Variants in PTGES3 observed in about 807,000 individuals in gnomAD.
PTGES3 encodes Hsp90 co-chaperone.
Under a neutral mutation model 29.9 loss-of-function variants are expected in PTGES3, and 5 were observed. The ratio of observed to expected loss-of-function variants is 0.17; its 90% CI spans 0.09 to 0.35. The LOEUF is 0.35. PTGES3 is among the 10% of genes least tolerant of loss of function. PTGES3 has a pLI of 1.00. For missense variants in PTGES3, 128 were observed against 190.0 expected (o/e 0.67, Z 1.92); for synonymous variants, 49 against 57.8 (o/e 0.85, Z 0.69).
At chr12:56,679,408 C>CAAAAAAAA (rs770485836) in intron 1 of PTGES3, among the ~76,000 whole-genome samples, 3 of 65,102 alleles carry the variant, frequency 4.6e-5, no homozygotes, top group Non-Finnish European at 5.6e-5. Context: ...GACTCTGCCT[C>CAAAAAAAA]AAAAAAAAAA....
chr12:56,682,033 G>T (rs1213122314), intron 1 of PTGES3, among the ~76,000 whole-genome samples: 2 of 152,006 alleles, frequency 1.3e-5, no homozygotes, highest in African/African-American at 4.8e-5. Flanking sequence ...TTTTAGTAGA[G>T]ACAGGGTTTC....
chr12:56,671,403 G>C (rs78860243), intron 4 of PTGES3, among the ~76,000 whole-genome samples: 12 of 151,272 alleles, frequency 7.9e-5, no homozygotes, highest in Admixed American at 2.0e-4. Flanking sequence ...TGTTTTGGGG[G>C]AAAAAAAACA....
At position 56,680,782 on chromosome 12, in the gene PTGES3, T is replaced by G. The variant is rs1350915209; in HGVS notation, c.2+7216A>C. ...ACTTGTAGTTTTTGTTTTTTAAAAG[T>G]TTTTTTTTTTTTTTGAGACCAGTTC... is the stretch of plus-strand genomic sequence containing the variant. On this transcript the variant is annotated intron_variant, in intron 1 of 7. Coordinates refer to ENST00000262033, the MANE Select transcript of PTGES3 (RefSeq NM_006601.7). 4.0e-4 allele frequency among the ~76,000 whole-genome samples: 3 copies of G among 7,510 alleles called. No homozygotes were observed. The East Asian group carries it at 9.8e-3, about 25-fold the overall frequency. The allele number at this position is 7,510 out of a possible 152,430, so 4.9% of individuals were successfully genotyped here.
rs755826472 is a variant in PTGES3, at chr12:56,666,310, AG to A, written c.376-45del. ...TTAGTTTTAAAAATGATGTTAAGTT[AG>A]GCCCTAATTATTAATGCTGTATGCT... is the stretch of plus-strand genomic sequence containing the variant. On this transcript the variant is annotated intron_variant, in intron 5 of 7. Transcript: ENST00000262033. The A allele has an allele frequency of 3.1e-6, 5 of 1,592,200 alleles. No homozygotes were observed. In the Admixed American group the frequency reaches 8.8e-5, roughly 28 times the overall value.
chr12:56,685,118 T>C (rs1952762280), intron 1 of PTGES3, among the ~76,000 whole-genome samples: 1 of 152,046 alleles, frequency 6.6e-6, no homozygotes, highest in African/African-American at 2.4e-5. Context: ...AAAAACACTT[T>C]TAAAACAAGT....
At chr12:56,687,497 C>CT in intron 1 of PTGES3, 10 of 996,154 alleles carry the variant, frequency 1.0e-5, no homozygotes, top group Non-Finnish European at 1.2e-5. Flanking sequence ...CTAGCAGTAC[C>CT]TGCAGCTCAC....
rs963456311 is a variant in PTGES3 at position 56,675,556 on chromosome 12, G to A, written c.3-2491C>T. Among the ~76,000 whole-genome samples, 14 of 147,146 alleles carry A rather than the reference G, an allele frequency of 9.5e-5. No individual in the cohort carries two copies. In the Admixed American group the frequency reaches 9.5e-4, roughly 10 times the overall value. ...AAAAAAAAAAATGTGAATGAGATAAGAGATATTTGTGGCCTGCAAAGCTGA... is the reference window on the plus strand; with the variant it reads ...AAAAAAAAAAATGTGAATGAGATAAAAGATATTTGTGGCCTGCAAAGCTGA... On this transcript the variant is annotated intron_variant, in intron 1 of 7. Coordinates refer to ENST00000262033, the MANE Select transcript of PTGES3 (RefSeq NM_006601.7).
At chr12:56,669,049 G>C (rs1269055121) in intron 5 of PTGES3, among the ~76,000 whole-genome samples, 1 of 118,294 alleles carries the variant, frequency 8.5e-6, no homozygotes, top group Non-Finnish European at 1.6e-5. Flanking sequence ...TTGCTCTGTC[G>C]CCCAGGCTGG....
At chr12:56,667,694 C>T (rs1951840886) in intron 5 of PTGES3, among the ~76,000 whole-genome samples, 1 of 152,176 alleles carries the variant, frequency 6.6e-6, no homozygotes, top group Non-Finnish European at 1.5e-5. Flanking sequence ...AAGGAAAATG[C>T]AGAGTTGCTA....
intron 3 of PTGES3, among the ~76,000 whole-genome samples, 156 bp downstream of exon 3, chr12:56,672,584 A>G (rs1342882027): frequency 6.6e-6 from 1 of 152,228 alleles, no homozygotes; most frequent in Non-Finnish European, 1.5e-5. Context: ...AAGTATGCAG[A>G]AACCAATTTT....
intron 1 of PTGES3, among the ~76,000 whole-genome samples, chr12:56,685,278 C>A (rs1383134148): frequency 1.3e-5 from 2 of 152,076 alleles, no homozygotes; most frequent in Non-Finnish European, 2.9e-5. Flanking sequence ...ATTTACTAAA[C>A]GGCATATATT....
rs1208790632 is a variant in PTGES3, at chr12:56,663,636, T to TA, written c.*842dup. The TA allele has an allele frequency of 7.5e-6, 1 of 134,120 alleles. No homozygotes were observed. Among genetic ancestry groups the TA allele is most frequent in the African/African-American group, 2.9e-5 (1 of 34,552 alleles). 8.3% of individuals were successfully genotyped at this position (134,120 alleles called of 1,614,324 possible). ...GTTTATTAGAAAGAATGTAGACATT[T>TA]AAAAAAATCCCCACTGTCATGAACA... On this transcript the variant is annotated 3_prime_UTR_variant, in exon 8 of 8. Coordinates refer to ENST00000262033, the MANE Select transcript of PTGES3 (RefSeq NM_006601.7).
chr12:56,666,363 G>T, intron 5 of PTGES3, 97 bp from the exon 6 acceptor site: 1 of 1,404,924 alleles, frequency 7.1e-7, no homozygotes, highest in Non-Finnish European at 9.4e-7. Context: ...GTCTGCCACA[G>T]ATATCAAAAA....
rs1952971618 is a variant in PTGES3, at chr12:56,688,064, G to GA, written c.-66_-65insT. On this transcript the variant is annotated 5_prime_UTR_variant, in exon 1 of 8. Coordinates refer to ENST00000262033, the MANE Select transcript of PTGES3 (RefSeq NM_006601.7). ...CCTCTCTGGCGGCGGCTGCTGCTAG[G>GA]GAGTCGACTTCTCTCCGGTGGCGAC... 6.8e-7 allele frequency: 1 copy of GA among 1,467,984 alleles called. No individual in the cohort carries two copies. The highest frequency in any genetic ancestry group is 9.0e-7 in the Non-Finnish European group (1 of 1,107,918). 90.9% of individuals were successfully genotyped at this position (1,467,984 alleles called of 1,614,324 possible).
At chr12:56,678,654 C>A (rs1251734815) in intron 1 of PTGES3, among the ~76,000 whole-genome samples, 2 of 152,154 alleles carry the variant, frequency 1.3e-5, no homozygotes, top group Non-Finnish European at 2.9e-5. Context: ...TCACCAGATA[C>A]TAACATATTA....
intron 1 of PTGES3, among the ~76,000 whole-genome samples, chr12:56,683,697 C>G (rs1004468887): frequency 6.6e-6 from 1 of 150,700 alleles, no homozygotes; most frequent in African/African-American, 2.4e-5. Context: ...CGGTGGCTCA[C>G]GCCTGTAATC....
At chr12:56,687,642 G>A in intron 1 of PTGES3, 5 of 1,175,132 alleles carry the variant, frequency 4.3e-6, no homozygotes, top group Non-Finnish European at 5.3e-6. Context: ...GCCGAGAGGC[G>A]ACCCACGAAG....
At chr12:56,683,714 C>T (rs1952678142) in intron 1 of PTGES3, among the ~76,000 whole-genome samples, 1 of 150,976 alleles carries the variant, frequency 6.6e-6, no homozygotes, top group Non-Finnish European at 1.5e-5. Flanking sequence ...AATCCCAGCA[C>T]TTTGGGAGGC....
chr12:56,681,313 C>T (rs1055917217), intron 1 of PTGES3, among the ~76,000 whole-genome samples: 1 of 147,118 alleles, frequency 6.8e-6, no homozygotes, highest in Non-Finnish European at 1.5e-5. Flanking sequence ...CCGAGGAGGG[C>T]GGATCACGAG....
Sources: gnomAD v4.1 joint callset for allele counts (sites outside exome capture counted in the v4.1 genomes callset) on GRCh38, gnomAD v4.1.1 for gene constraint, MANE v1.5 for transcripts, NCBI Gene and HGNC (gene_info 2026-07-23, HGNC 2026-07-21) for gene names.